The following USP32 variants were observed in gnomAD, a reference collection of about 807,000 sequenced individuals.
USP32 encodes ubiquitin specific peptidase 32, also known as ubiquitin carboxyl-terminal hydrolase 32.
USP32 carries 59 observed loss-of-function variants against 204.8 expected under a neutral mutation model. That is an observed-to-expected ratio of 0.29 (90% CI 0.23 to 0.36). The LOEUF is 0.36. Among genes scored for constraint, USP32 ranks in the 10% least tolerant of loss-of-function variants. USP32 has a pLI of 1.00. For missense variants in USP32, 1,160 were observed against 1,946.4 expected (o/e 0.60, Z 7.60); for synonymous variants, 517 against 678.4 (o/e 0.76, Z 3.70).
At chr17:60,421,834 C>T in intron 1 of USP32, 1 of 984,742 alleles carries the variant, frequency 1.0e-6, no homozygotes, top group Non-Finnish European at 1.2e-6. Context: ...CACCCGGCTC[C>T]CCGCCTGGTG....
chr17:60,388,019 A>AT (rs1298168941), intron 1 of USP32, among the ~76,000 whole-genome samples: 1 of 152,122 alleles, frequency 6.6e-6, no homozygotes, highest in Non-Finnish European at 1.5e-5. Flanking sequence ...CCCAAGCTAT[A>AT]TGATCCTAGA....
chr17:60,242,377 A>G (rs1188867922), intron 11 of USP32, among the ~76,000 whole-genome samples: 1 of 152,186 alleles, frequency 6.6e-6, no homozygotes. Context: ...AATAAAAATG[A>G]TAATAAAAAT....
At chr17:60,340,784 G>A (rs1168085756) in intron 2 of USP32, among the ~76,000 whole-genome samples, 1 of 152,132 alleles carries the variant, frequency 6.6e-6, no homozygotes, top group African/African-American at 2.4e-5. Flanking sequence ...TGACAATTTG[G>A]CATGTTTTTG....
In USP32 at chr17:60,288,561, G is replaced by A; in HGVS notation, c.533C>T (p.Thr178Ile). 1 of 1,611,406 alleles carries A rather than the reference G, an allele frequency of 6.2e-7. No homozygotes were observed. Among genetic ancestry groups the A allele is most frequent in the Non-Finnish European group, 8.5e-7 (1 of 1,179,118 alleles). Reference sequence around the variant, plus strand: ...AGCCAGAGTTTGGTAGAAAGTAGGAGTATCACTATCATCAGTGAGGGTAAC... The same window carrying A: ...AGCCAGAGTTTGGTAGAAAGTAGGAATATCACTATCATCAGTGAGGGTAAC... ...VYVTLTDDSD[T>I]PTFYQTLAGV... is the part of the protein sequence containing the mutation. The change falls in exon 5 of 34, where the codon ACT becomes ATT. Residue 178 changes from threonine (T) to isoleucine (I), a missense_variant. Transcript: ENST00000300896.
intron 5 of USP32, among the ~76,000 whole-genome samples, chr17:60,275,566 C>A (rs765656958): frequency 1.3e-5 from 2 of 152,132 alleles, no homozygotes; most frequent in Non-Finnish European, 2.9e-5. Context: ...TAAAAGATAA[C>A]AATTAGTACC....
At chr17:60,291,305 T>C (rs1188235655) in intron 4 of USP32, among the ~76,000 whole-genome samples, 1 of 152,216 alleles carries the variant, frequency 6.6e-6, no homozygotes, top group Non-Finnish European at 1.5e-5. Flanking sequence ...CATGGATCTC[T>C]TCTAAAAAGA....
chr17:60,276,374 C>G (rs1484666869), intron 5 of USP32, among the ~76,000 whole-genome samples: 1 of 152,002 alleles, frequency 6.6e-6, no homozygotes, highest in Non-Finnish European at 1.5e-5. Flanking sequence ...ACAAAGGAAT[C>G]TGATATATAA....
intron 15 of USP32, among the ~76,000 whole-genome samples, 194 bp downstream of exon 15, chr17:60,222,215 T>C (rs2085271006): frequency 6.6e-6 from 1 of 152,210 alleles, no homozygotes; most frequent in African/African-American, 2.4e-5. Context: ...CAGCCTCCTA[T>C]TTCCTTGCCT....
At chr17:60,369,807 A>G (rs2089402243) in intron 1 of USP32, among the ~76,000 whole-genome samples, 1 of 152,086 alleles carries the variant, frequency 6.6e-6, no homozygotes, top group South Asian at 2.1e-4. Context: ...CAGTAATCAT[A>G]ACTCACTGCA....
chr17:60,394,944 A>G (rs2089890258), upstream of USP32, among the ~76,000 whole-genome samples: 1 of 152,062 alleles, frequency 6.6e-6, no homozygotes, highest in Admixed American at 6.6e-5. Flanking sequence ...GGGTTTCACC[A>G]TGTTGGCCAG....
rs547962201 is a variant in USP32, at chr17:60,199,932, AT to A, written c.3250-1489del. Among the ~76,000 whole-genome samples, 19 of 152,322 alleles carry A rather than the reference AT, an allele frequency of 1.2e-4. No homozygotes were observed. In the South Asian group the frequency reaches 3.7e-3, roughly 30 times the overall value. On this transcript the variant is annotated intron_variant, in intron 26 of 33. Coordinates refer to ENST00000300896, the MANE Select transcript of USP32 (RefSeq NM_032582.4). ...AAGCCAGGGCCAGGTGCAGTGGCTCATGCCTGTAATCCCAGCACTTCAGGAG... is the reference window on the plus strand; with the variant it reads ...AAGCCAGGGCCAGGTGCAGTGGCTCAGCCTGTAATCCCAGCACTTCAGGAG...
intron 2 of USP32, among the ~76,000 whole-genome samples, chr17:60,338,601 G>C (rs575583685): frequency 6.6e-6 from 1 of 151,968 alleles, no homozygotes; most frequent in Non-Finnish European, 1.5e-5. Flanking sequence ...GTGGTGACAC[G>C]CACCTGTATT....
At chr17:60,337,874 G>A (rs982803827) in intron 2 of USP32, among the ~76,000 whole-genome samples, 3 of 150,628 alleles carry the variant, frequency 2.0e-5, no homozygotes, top group Non-Finnish European at 3.0e-5. Flanking sequence ...GAAATGAGAC[G>A]GTCTCAAGAT....
intron 1 of USP32, among the ~76,000 whole-genome samples, chr17:60,357,663 T>C (rs1267163901): frequency 1.3e-5 from 2 of 152,230 alleles, no homozygotes; most frequent in Admixed American, 6.5e-5. Flanking sequence ...TGATTAATAG[T>C]AGTTAATATC....
At chr17:60,418,402 T>G (rs943547111) in intron 1 of USP32, among the ~76,000 whole-genome samples, 43 of 151,176 alleles carry the variant, frequency 2.8e-4, no homozygotes, top group African/African-American at 9.2e-4. Flanking sequence ...CTCTGTTTTT[T>G]TTTTTTTTTT....
At chr17:60,197,990 A>C (rs2084568064) in intron 27 of USP32, among the ~76,000 whole-genome samples, 1 of 152,216 alleles carries the variant, frequency 6.6e-6, no homozygotes, top group Non-Finnish European at 1.5e-5. Context: ...AGAAGACAGG[A>C]TATTACTTGA....
In USP32 at chr17:60,181,789, C is replaced by T. The variant is rs187423734; in HGVS notation, c.4124-41G>A. 5.9e-5 allele frequency: 93 copies of T among 1,579,018 alleles called. No individual in the cohort carries two copies. The African/African-American group carries it at 1.1e-3, about 19-fold the overall frequency. On this transcript the variant is annotated intron_variant, in intron 31 of 33. Transcript: ENST00000300896. ...AAGAAAAGATTCACAAATTCAAATG[C>T]CACAAAGTAAGCCAGCCCCAAATGC...
In USP32 at chr17:60,415,078, T is replaced by C. The variant is rs370741513; in HGVS notation, c.106+7168A>G. 1.9e-3 allele frequency among the ~76,000 whole-genome samples: 291 copies of C among 152,312 alleles called. 10 individuals carry two copies. In the South Asian group the frequency reaches 0.058, roughly 31 times the overall value. On this transcript the variant is annotated intron_variant, in intron 1 of 3. Coordinates refer to the USP32 transcript ENST00000588898. ...TATAAAGAAAATAAATTTTTCGTTA[T>C]TTTCATGCTTGGGGAGGGTGGTATC... is the stretch of plus-strand genomic sequence containing the variant.
intron 2 of USP32, among the ~76,000 whole-genome samples, chr17:60,337,624 C>A (rs931935633): frequency 8.5e-5 from 13 of 152,126 alleles, no homozygotes; most frequent in African/African-American, 2.9e-4. Flanking sequence ...TGCCTGTAAT[C>A]TCAGCTCTTT....
Sources: allele counts gnomAD v4.1 joint callset (sites outside exome capture counted in the v4.1 genomes callset), GRCh38; gene constraint gnomAD v4.1.1; transcripts MANE v1.5; gene names NCBI Gene and HGNC (gene_info 2026-07-23, HGNC 2026-07-21).